The following CRHR1 variants were observed in gnomAD, a reference collection of about 807,000 sequenced individuals.
CRHR1 encodes corticotropin releasing hormone receptor 1, also known as corticotropin-releasing hormone receptor 1.
A neutral mutation model predicts 56.0 loss-of-function variants in CRHR1; 28 were observed. The ratio of observed to expected loss-of-function variants is 0.50; its 90% CI spans 0.37 to 0.69. CRHR1 has a LOEUF of 0.69. Among genes scored for constraint, CRHR1 ranks in the 30% least tolerant of loss-of-function variants. The pLI, the probability that CRHR1 is intolerant of heterozygous loss-of-function variation, is 0.00. For synonymous variants in CRHR1, 195 were observed against 216.5 expected (o/e 0.90, Z 0.87); for missense variants, 376 against 548.0 (o/e 0.69, Z 3.13).
At position 45,784,718 on chromosome 17, in the gene CRHR1, A is replaced by C. The variant is rs929111255; in HGVS notation, c.33+141A>C. 4.3e-5 allele frequency: 37 copies of C among 860,202 alleles called. No individual in the cohort carries two copies. The Admixed American group carries it at 1.3e-3, about 31-fold the overall frequency. 53.3% of individuals were successfully genotyped at this position (860,202 alleles called of 1,614,324 possible). On this transcript the variant is annotated intron_variant, in intron 1 of 12. Transcript: ENST00000314537. The surrounding 1 kb of genome is among the most constrained non-coding windows in gnomAD (Gnocchi z 4.2). ...GTCGGGGAAGGCTGGGCTCCGGGGC[A>C]GCCTAACTCTCTGGACCTTTGGAGC...
intron 4 of CRHR1, among the ~76,000 whole-genome samples, chr17:45,828,257 G>A (rs1349656928): frequency 6.6e-6 from 1 of 152,210 alleles, no homozygotes; most frequent in African/African-American, 2.4e-5. Context: ...TTATGGGCTG[G>A]GGACCTGTTT....
At chr17:45,796,310 C>G (rs1416264982) in intron 1 of CRHR1, among the ~76,000 whole-genome samples, 1 of 152,174 alleles carries the variant, frequency 6.6e-6, no homozygotes, top group Non-Finnish European at 1.5e-5. Context: ...CTGGGCTGGG[C>G]TCCCCTCTTC....
chr17:45,797,283 C>CTTTTTTTTTTTTTTTT (rs899983592), intron 1 of CRHR1, among the ~76,000 whole-genome samples: 19 of 94,932 alleles, frequency 2.0e-4, no homozygotes, highest in South Asian at 7.2e-4. Context: ...TTCTTTCTTT[C>CTTTTTTTTTTTTTTTT]TTTTTTTTTT....
rs750593029 is a variant in CRHR1 at position 45,784,596 on chromosome 17, T to A, written c.33+19T>A. 8 of 1,543,238 alleles carry A rather than the reference T, an allele frequency of 5.2e-6. No homozygotes were observed. Among genetic ancestry groups the A allele is most frequent in the Admixed American group, 1.9e-5 (1 of 51,420 alleles). ...CGTCAAGGTAACAGCCCGCCGGCCA[T>A]CCCTCGAGCGCTGGCGCCCCCGGCC... is the stretch of plus-strand genomic sequence containing the variant. On this transcript the variant is annotated intron_variant, in intron 1 of 12. Transcript: ENST00000314537. The surrounding 1 kb of genome is among the most constrained non-coding windows in gnomAD (Gnocchi z 4.2).
At chr17:45,820,659 C>T (rs532334409) in intron 3 of CRHR1, among the ~76,000 whole-genome samples, 21 of 152,330 alleles carry the variant, frequency 1.4e-4, no homozygotes, top group Admixed American at 2.6e-4. Context: ...TCCCCACACA[C>T]GCCTGTCACC....
chr17:45,810,233 C>T (rs751756400), intron 2 of CRHR1, among the ~76,000 whole-genome samples: 26 of 152,030 alleles, frequency 1.7e-4, no homozygotes, highest in Non-Finnish European at 3.1e-4. Flanking sequence ...TGCAGTGAGC[C>T]CAGATCACGC....
At chr17:45,831,515 G>A (rs1478346100) in intron 8 of CRHR1, among the ~76,000 whole-genome samples, 2 of 152,184 alleles carry the variant, frequency 1.3e-5, no homozygotes, top group Non-Finnish European at 2.9e-5. Flanking sequence ...ATCGTGCCTG[G>A]AAACTTGATT....
At chr17:45,821,556 T>A in intron 4 of CRHR1, 116 bp downstream of exon 4, 2 of 979,332 alleles carry the variant, frequency 2.0e-6, no homozygotes, top group South Asian at 2.8e-5. Flanking sequence ...GGCCCTGCTC[T>A]AGTGAAGCTG....
intron 1 of CRHR1, among the ~76,000 whole-genome samples, chr17:45,787,926 G>A (rs1453774455): frequency 6.6e-6 from 1 of 152,244 alleles, no homozygotes; most frequent in African/African-American, 2.4e-5. Flanking sequence ...AAGACAGGGA[G>A]GGGCCAAAAG....
Position 45,833,834 on chromosome 17 carries a change from C to G in CRHR1, c.1050C>G (p.Phe350Leu), listed in dbSNP as rs2062376385. The G allele has an allele frequency of 6.2e-7, 1 of 1,613,572 alleles. No individual in the cohort carries two copies. The highest frequency in any genetic ancestry group is 1.1e-5 in the South Asian group (1 of 91,086). The stretch of plus-strand genomic sequence containing the variant: ...TCGTCTTCATCTACTTCAACTCCTT[C>G]CTGGAATCCTTCCAGGTACAGCCCT... ...SRVVFIYFNS[F>L]LESFQGFFVS... Residue 350 changes from phenylalanine (F) to leucine (L), a missense_variant, in exon 11 of 13, where the codon TTC (phenylalanine) becomes TTG (leucine). Physicochemically the swap from Phe to Leu is conservative, Grantham distance 22. Around this residue, in one of 2 missense-constraint regions of CRHR1, gnomAD observed 369 missense variants for 519.5 expected, o/e 0.71. Transcript: ENST00000314537.
chr17:45,831,077 T>C, intron 8 of CRHR1, 137 bp downstream of exon 8: 1 of 842,404 alleles, frequency 1.2e-6, no homozygotes, highest in Admixed American at 2.3e-5. Context: ...GGGAGAGATC[T>C]GGGGGCTGGA....
Position 45,834,974 on chromosome 17 carries a change from C to T in CRHR1, c.*210C>T. The T allele has an allele frequency of 3.1e-6, 2 of 651,328 alleles. No individual in the cohort carries two copies. Among genetic ancestry groups the T allele is most frequent in the Non-Finnish European group, 5.1e-6 (2 of 391,150 alleles). The allele number at this position is 651,328 out of a possible 1,614,324, so 40.3% of individuals were successfully genotyped here. On this transcript the variant is annotated 3_prime_UTR_variant, in exon 13 of 13. Transcript: ENST00000314537. ...GTGGAAAGTCACCTACAGGACTGGG[C>T]CGGGCCCAGGGCCTCTGGCTTCCCT...
intron 1 of CRHR1, among the ~76,000 whole-genome samples, chr17:45,798,208 C>G (rs1261569603): frequency 6.6e-6 from 1 of 152,120 alleles, no homozygotes; most frequent in African/African-American, 2.4e-5. Context: ...TGCTCTGTAT[C>G]GGGCCCCACT....
At chr17:45,809,554 C>T (rs944190069) in intron 2 of CRHR1, among the ~76,000 whole-genome samples, 6 of 152,254 alleles carry the variant, frequency 3.9e-5, no homozygotes, top group African/African-American at 1.4e-4. Context: ...CCAGCCCAGC[C>T]CAGCCTGCCT....
intron 1 of CRHR1, among the ~76,000 whole-genome samples, chr17:45,803,789 C>T (rs1002531866): frequency 2.0e-5 from 3 of 151,062 alleles, no homozygotes; most frequent in Non-Finnish European, 2.9e-5. Flanking sequence ...TGCGCGTGCG[C>T]GTGTGTGCAT....
chr17:45,802,050 C>T (rs1051357231), intron 1 of CRHR1, among the ~76,000 whole-genome samples: 1 of 151,898 alleles, frequency 6.6e-6, no homozygotes, highest in African/African-American at 2.4e-5. Flanking sequence ...TTTAGCCCAG[C>T]ATGGTGGCTC....
At chr17:45,799,442 T>C (rs1431057405) in intron 1 of CRHR1, 1 of 152,244 alleles carries the variant, frequency 6.6e-6, no homozygotes, top group Non-Finnish European at 1.5e-5. Context: ...GAAATCTTCA[T>C]TTATGACCTC....
chr17:45,801,251 G>T (rs1187539829), intron 1 of CRHR1, among the ~76,000 whole-genome samples: 1 of 152,180 alleles, frequency 6.6e-6, no homozygotes, highest in Non-Finnish European at 1.5e-5. Context: ...GTCTTGACCT[G>T]CGCCTGGCCA....
intron 1 of CRHR1, among the ~76,000 whole-genome samples, chr17:45,803,844 C>T (rs192684074): frequency 3.0e-4 from 45 of 151,978 alleles, no homozygotes; most frequent in Admixed American, 2.4e-3. Context: ...GGGTGGGAAA[C>T]GAGGAGTGAT....
Sources: gnomAD v4.1 joint callset for allele counts (sites outside exome capture counted in the v4.1 genomes callset) on GRCh38, gnomAD v4.1.1 for gene constraint, gnomAD v4.1.1 regional missense constraint, Gnocchi (gnomAD v3.1) non-coding constraint, MANE v1.5 for transcripts, NCBI Gene and HGNC (gene_info 2026-07-23, HGNC 2026-07-21) for gene names.